PTPRD: variants seen among roughly 807,000 people sequenced by gnomAD.
The protein encoded by PTPRD is protein tyrosine phosphatase receptor type D, also known as receptor-type tyrosine-protein phosphatase delta.
A neutral mutation model predicts 214.5 loss-of-function variants in PTPRD; 34 were observed. That is an observed-to-expected ratio of 0.16 (90% CI 0.12 to 0.21). The LOEUF (loss-of-function observed/expected upper bound fraction) is 0.21. Ranked by LOEUF, PTPRD falls within the 10% of genes least tolerant of loss-of-function variation. PTPRD has a pLI of 1.00. For synonymous variants in PTPRD, 1,128 were observed against 845.7 expected (o/e 1.33, Z -5.79); for missense variants, 2,545 against 2,398.7 (o/e 1.06, Z -1.27).
At chr9:9,982,563 A>G (rs918143888) in intron 4 of PTPRD, among the ~76,000 whole-genome samples, 2 of 151,408 alleles carry the variant, frequency 1.3e-5, no homozygotes, top group Admixed American at 1.3e-4. Flanking sequence ...CAGAAAAGTG[A>G]CTTTTCTTCC....
At chr9:9,048,043 G>A (rs1053947931) in intron 10 of PTPRD, among the ~76,000 whole-genome samples, 1 of 152,142 alleles carries the variant, frequency 6.6e-6, no homozygotes, top group Admixed American at 6.6e-5. Flanking sequence ...ACAGGCATAA[G>A]AAAAGGTGCT....
chr9:8,504,511 A>C, intron 22 of PTPRD, 106 bp from the exon 23 acceptor site: 566 of 1,238,470 alleles, frequency 4.6e-4, no homozygotes, highest in Non-Finnish European at 5.5e-4. Flanking sequence ...TTATAATCTC[A>C]TCAAAATATC....
chr9:9,726,148 G>A (rs1255950284), intron 7 of PTPRD, among the ~76,000 whole-genome samples: 4 of 152,194 alleles, frequency 2.6e-5, no homozygotes, highest in African/African-American at 4.8e-5. Context: ...CCAAGAAAAT[G>A]TTATCCCATA....
At chr9:8,365,368 G>A (rs2079563133) in intron 39 of PTPRD, among the ~76,000 whole-genome samples, 1 of 152,156 alleles carries the variant, frequency 6.6e-6, no homozygotes, top group Non-Finnish European at 1.5e-5. Context: ...CTACCCACAA[G>A]CTAATATTTT....
Position 9,016,252 on chromosome 9 carries a change from C to A in PTPRD, c.-104+2445G>T, listed in dbSNP as rs181369011. ...ACCAGTGTGGATAAAATTACTGTGA[C>A]AATTTTCCCCCAAATAGTTGCACTA... is the stretch of plus-strand genomic sequence containing the variant. On this transcript the variant is annotated intron_variant, in intron 11 of 45. Coordinates refer to ENST00000381196, the MANE Select transcript of PTPRD (RefSeq NM_002839.4). Among the ~76,000 whole-genome samples the A allele has an allele frequency of 2.5e-3, 387 of 152,206 alleles. 3 individuals carry two copies. Among genetic ancestry groups the A allele is most frequent in the Non-Finnish European group, 4.8e-3 (325 of 68,014 alleles).
rs1322158 is a variant in PTPRD at position 10,270,979 on chromosome 9, T to C, written c.-545+69984A>G. Among the ~76,000 whole-genome samples, 1,345 of 152,096 alleles carry C rather than the reference T, an allele frequency of 8.8e-3. 24 individuals carry two copies. The highest frequency in any genetic ancestry group is 0.031 in the African/African-American group (1,274 of 41,492). On this transcript the variant is annotated intron_variant, in intron 3 of 45. Transcript: ENST00000381196. Reference sequence around the variant, plus strand: ...CCAGGACTAGAAGAGTGCCCCACCATGTGCAGCTAATAGAAAAGAAAAAAA... The same window carrying C: ...CCAGGACTAGAAGAGTGCCCCACCACGTGCAGCTAATAGAAAAGAAAAAAA...
At chr9:10,532,465 A>T (rs560575907) in intron 2 of PTPRD, 96 of 144,114 alleles carry the variant, frequency 6.7e-4, no homozygotes, top group African/African-American at 2.0e-3. Context: ...AATAAATAAA[A>T]AATACATAAA....
At chr9:10,579,848 G>C (rs2071048290) in intron 2 of PTPRD, among the ~76,000 whole-genome samples, 1 of 151,966 alleles carries the variant, frequency 6.6e-6, no homozygotes, top group African/African-American at 2.4e-5. Context: ...AATTTTTCTG[G>C]TGATTGACAA....
intron 37 of PTPRD, among the ~76,000 whole-genome samples, chr9:8,383,863 G>C (rs936263851): frequency 1.2e-4 from 19 of 152,260 alleles, no homozygotes; most frequent in Admixed American, 1.2e-3. Flanking sequence ...AGCTGGTGAG[G>C]TGAAGTAAAA....
At chr9:10,260,680 G>A (rs920320629) in intron 3 of PTPRD, among the ~76,000 whole-genome samples, 3 of 152,102 alleles carry the variant, frequency 2.0e-5, no homozygotes, top group Non-Finnish European at 4.4e-5. Flanking sequence ...CTGATGACAT[G>A]AGAATATTCT....
chr9:9,698,762 G>T (rs1448980787), intron 7 of PTPRD, among the ~76,000 whole-genome samples: 1 of 152,136 alleles, frequency 6.6e-6, no homozygotes, highest in African/African-American at 2.4e-5. Flanking sequence ...TCTTGTAATG[G>T]AGTATCCATA....
At position 8,500,862 on chromosome 9, in the gene PTPRD, A is replaced by G. The variant is rs755554942; in HGVS notation, c.2020T>C (p.Leu674=). Residue 674 remains leucine (L), a synonymous_variant, in exon 24 of 46, where the codon TTG becomes CTG. Coordinates refer to ENST00000381196, the MANE Select transcript of PTPRD (RefSeq NM_002839.4). The part of the protein sequence containing the change: ...GIPSDTTKYL[L]EQLEKWTEYR... ...TCAGTCCATTTTTCCAGCTGTTCCA[A>G]AAGGTATTTGGTAGTGTCCGAAGGA... 1.9e-6 allele frequency: 3 copies of G among 1,614,162 alleles called. No homozygotes were observed. Among genetic ancestry groups the G allele is most frequent in the African/African-American group, 2.7e-5 (2 of 75,036 alleles).
At chr9:9,066,226 A>G (rs2099732311) in intron 10 of PTPRD, among the ~76,000 whole-genome samples, 1 of 152,092 alleles carries the variant, frequency 6.6e-6, no homozygotes, top group Non-Finnish European at 1.5e-5. Flanking sequence ...TCCCTGGAAG[A>G]TTTTGTGTAG....
At chr9:8,765,505 G>C (rs370415108) in intron 11 of PTPRD, among the ~76,000 whole-genome samples, 1 of 152,166 alleles carries the variant, frequency 6.6e-6, no homozygotes, top group East Asian at 1.9e-4. Context: ...AATAAGGTTA[G>C]AAGCGGGTAT....
intron 12 of PTPRD, among the ~76,000 whole-genome samples, chr9:8,642,050 G>A (rs928149124): frequency 4.6e-5 from 7 of 152,096 alleles, no homozygotes; most frequent in Admixed American, 3.3e-4. Flanking sequence ...GACATAAATC[G>A]GGGAGAGCCA....
chr9:8,412,126 G>A (rs1270266386), intron 35 of PTPRD, among the ~76,000 whole-genome samples: 1 of 152,142 alleles, frequency 6.6e-6, no homozygotes, highest in Non-Finnish European at 1.5e-5. Flanking sequence ...GAGGATCCTG[G>A]TGAGGTGGCA....
chr9:8,460,088 G>T (rs760396259), intron 33 of PTPRD, among the ~76,000 whole-genome samples: 1 of 152,084 alleles, frequency 6.6e-6, no homozygotes, highest in Non-Finnish European at 1.5e-5. Context: ...ATGAAAGCTT[G>T]CATGGAATTA....
intron 3 of PTPRD, among the ~76,000 whole-genome samples, chr9:10,039,128 C>A (rs2097250117): frequency 1.3e-5 from 2 of 152,066 alleles, no homozygotes; most frequent in African/African-American, 4.8e-5. Context: ...CCCTATAACT[C>A]AATTTCCTAT....
At chr9:8,648,932 C>T (rs2096750406) in intron 12 of PTPRD, among the ~76,000 whole-genome samples, 1 of 152,200 alleles carries the variant, frequency 6.6e-6, no homozygotes, top group Admixed American at 6.5e-5. Flanking sequence ...ATTAGATGTG[C>T]TGATCATCAT....
Sources: allele counts gnomAD v4.1 joint callset (sites outside exome capture counted in the v4.1 genomes callset), GRCh38; gene constraint gnomAD v4.1.1; transcripts MANE v1.5; gene names NCBI Gene and HGNC (gene_info 2026-07-23, HGNC 2026-07-21).